The following HPSE2 variants were observed in gnomAD, a reference collection of about 807,000 sequenced individuals.
The protein encoded by HPSE2 is heparanase 2 (inactive).
Under a neutral mutation model 60.5 loss-of-function variants are expected in HPSE2, and 38 were observed. The ratio of observed to expected loss-of-function variants is 0.63; its 90% CI spans 0.48 to 0.82. The LOEUF is 0.82. Ranked by LOEUF, HPSE2 falls within the 40% of genes least tolerant of loss-of-function variation. The probability of loss-of-function intolerance (pLI) is 0.00; values close to 1 mark genes in which losing one functional copy is unlikely to be tolerated. For synonymous variants in HPSE2, 295 were observed against 293.2 expected, an observed-to-expected ratio of 1.01 and a Z score of -0.06; for missense variants, 713 against 740.4, an observed-to-expected ratio of 0.96 and a Z score of 0.43.
chr10:99,102,599 A>G (rs1844053191), intron 3 of HPSE2, among the ~76,000 whole-genome samples: 1 of 152,214 alleles, frequency 6.6e-6, no homozygotes, highest in Admixed American at 6.5e-5. Context: ...TCCAATCAAT[A>G]GAAAAAGAGG....
At chr10:98,499,832 T>C (rs1941972070) in intron 9 of HPSE2, among the ~76,000 whole-genome samples, 1 of 152,282 alleles carries the variant, frequency 6.6e-6, no homozygotes, top group Middle Eastern at 3.4e-3. Context: ...AAAAAGGCAT[T>C]TCATGCAAAT....
chr10:99,237,168 C>T (rs566563130), upstream of HPSE2, among the ~76,000 whole-genome samples: 1 of 152,328 alleles, frequency 6.6e-6, no homozygotes, highest in East Asian at 1.9e-4. Context: ...GCTGCAGTCA[C>T]ATTGCTGGGC....
intron 3 of HPSE2, among the ~76,000 whole-genome samples, chr10:98,809,539 T>G: frequency 6.6e-6 from 1 of 152,104 alleles, no homozygotes; most frequent in Non-Finnish European, 1.5e-5. Flanking sequence ...TATATATATT[T>G]GTATATCCAC....
chr10:99,131,682 G>A (rs1845390831), intron 3 of HPSE2, among the ~76,000 whole-genome samples: 1 of 152,132 alleles, frequency 6.6e-6, no homozygotes, highest in Non-Finnish European at 1.5e-5. Flanking sequence ...TCATAAGTTG[G>A]AACTAAGTTA....
intron 3 of HPSE2, among the ~76,000 whole-genome samples, chr10:98,909,853 G>A (rs1380111375): frequency 6.6e-6 from 1 of 151,896 alleles, no homozygotes; most frequent in Admixed American, 6.6e-5. Context: ...AACTATACTC[G>A]TGATGGAATA....
intron 3 of HPSE2, among the ~76,000 whole-genome samples, chr10:98,925,013 A>G (rs1055648549): frequency 1.3e-5 from 2 of 152,178 alleles, no homozygotes; most frequent in Non-Finnish European, 2.9e-5. Context: ...ACTGAGTTCA[A>G]TGTAAAGTCG....
At chr10:98,955,620 G>C (rs1955489334) in intron 3 of HPSE2, among the ~76,000 whole-genome samples, 1 of 152,068 alleles carries the variant, frequency 6.6e-6, no homozygotes, top group Admixed American at 6.6e-5. Context: ...ATACCCAAAA[G>C]AATATAAATC....
chr10:99,001,788 T>C, intron 3 of HPSE2, among the ~76,000 whole-genome samples: 1 of 152,216 alleles, frequency 6.6e-6, no homozygotes, highest in South Asian at 2.1e-4. Context: ...TAAATTTGAA[T>C]CTTAAAATCC....
At chr10:98,941,617 A>G (rs1349497788) in intron 3 of HPSE2, among the ~76,000 whole-genome samples, 9 of 138,980 alleles carry the variant, frequency 6.5e-5, no homozygotes, top group South Asian at 2.2e-4. Context: ...ATGCTCATGG[A>G]TAGGAAGAAT....
At chr10:98,872,186 G>C (rs1475118783) in intron 3 of HPSE2, among the ~76,000 whole-genome samples, 1 of 152,012 alleles carries the variant, frequency 6.6e-6, no homozygotes, top group Non-Finnish European at 1.5e-5. Flanking sequence ...TTTCTGCAGA[G>C]GCTTTTTCCC....
At chr10:98,700,164 A>C (rs1160022343) in intron 5 of HPSE2, among the ~76,000 whole-genome samples, 5 of 151,982 alleles carry the variant, frequency 3.3e-5, no homozygotes, top group Non-Finnish European at 7.4e-5. Flanking sequence ...ATATGGAACC[A>C]AAAAAGAGCC....
intron 2 of HPSE2, among the ~76,000 whole-genome samples, chr10:99,185,221 T>C (rs1398049703): frequency 6.6e-6 from 1 of 150,968 alleles, no homozygotes; most frequent in Non-Finnish European, 1.5e-5. Flanking sequence ...GGAGAATCAC[T>C]TGAACCCAGG....
chr10:98,492,765 T>G (rs951562359), intron 9 of HPSE2, among the ~76,000 whole-genome samples: 1 of 151,884 alleles, frequency 6.6e-6, no homozygotes, highest in African/African-American at 2.4e-5. Context: ...AAGAAGTTGA[T>G]AAGGTTAATT....
chr10:98,922,053 A>G (rs1371688197), intron 3 of HPSE2, among the ~76,000 whole-genome samples: 1 of 152,248 alleles, frequency 6.6e-6, no homozygotes, highest in African/African-American at 2.4e-5. Context: ...ACTAACCACA[A>G]GAAGAAAAAA....
chr10:98,761,708 T>A (rs901314054), intron 3 of HPSE2, among the ~76,000 whole-genome samples: 1 of 152,104 alleles, frequency 6.6e-6, no homozygotes, highest in Non-Finnish European at 1.5e-5. Flanking sequence ...GGCAATGACC[T>A]AAGAACTCCG....
chr10:98,528,998 G>A (rs17538016), intron 9 of HPSE2, among the ~76,000 whole-genome samples: 4,849 of 152,272 alleles, frequency 0.032, 148 homozygotes, highest in African/African-American at 0.083. Context: ...CTTATGGTAC[G>A]CCCTGGGCTT....
At chr10:98,802,874 T>C (rs1353594032) in intron 3 of HPSE2, among the ~76,000 whole-genome samples, 2 of 146,102 alleles carry the variant, frequency 1.4e-5, no homozygotes, top group Non-Finnish European at 1.5e-5. Context: ...TTTCTAGTTC[T>C]AGATCCCTGA....
In HPSE2 at chr10:98,458,654, T is replaced by C. The variant is rs1940149382; in HGVS notation, c.*920A>G. On this transcript the variant is annotated 3_prime_UTR_variant, in exon 12 of 12. Coordinates refer to ENST00000370552, the MANE Select transcript of HPSE2 (RefSeq NM_021828.5). ...TTACCCTATAGAGCCCCTAATATTCTCTTAATTTTGGAGAGGTCTAATTTG... is the reference window on the plus strand; with the variant it reads ...TTACCCTATAGAGCCCCTAATATTCCCTTAATTTTGGAGAGGTCTAATTTG... The C allele has an allele frequency of 6.6e-6, 1 of 152,226 alleles. No individual in the cohort carries two copies. Among genetic ancestry groups the C allele is most frequent in the South Asian group, 2.1e-4 (1 of 4,834 alleles). The allele number at this position is 152,226 out of a possible 1,614,324, so 9.4% of individuals were successfully genotyped here.
chr10:99,139,297 G>C (rs1845777802), intron 3 of HPSE2, among the ~76,000 whole-genome samples: 1 of 151,974 alleles, frequency 6.6e-6, no homozygotes, highest in African/African-American at 2.4e-5. Flanking sequence ...AGAAGGGGGA[G>C]AAAGGAGAAA....
Sources: allele counts gnomAD v4.1 joint callset (sites outside exome capture counted in the v4.1 genomes callset), GRCh38; gene constraint gnomAD v4.1.1; transcripts MANE v1.5; gene names NCBI Gene and HGNC (gene_info 2026-07-23, HGNC 2026-07-21).